The following XRCC4 variants were observed in gnomAD, a reference collection of about 807,000 sequenced individuals.
XRCC4 encodes the protein X-ray repair cross complementing 4.
In XRCC4, 28 loss-of-function variants were observed where a neutral mutation model predicts 39.1. The observed-to-expected ratio is 0.72, with a 90% CI of 0.53 to 0.98. XRCC4 has a LOEUF of 0.98. Among genes scored for constraint, XRCC4 ranks in the 50% least tolerant of loss-of-function variants. XRCC4 has a pLI of 0.00. For synonymous variants in XRCC4, 123 were observed against 126.4 expected (o/e 0.97, Z 0.18); for missense variants, 350 against 376.4 (o/e 0.93, Z 0.58).
chr5:83,163,069 C>T (rs962270000), intron 3 of XRCC4, among the ~76,000 whole-genome samples: 8 of 151,744 alleles, frequency 5.3e-5, no homozygotes, highest in African/African-American at 1.9e-4. Flanking sequence ...GCCTCAGCCT[C>T]ATGAATAGCT....
intron 1 of XRCC4, among the ~76,000 whole-genome samples, chr5:83,095,445 A>C (rs1241350695): frequency 6.6e-6 from 1 of 152,184 alleles, no homozygotes; most frequent in Non-Finnish European, 1.5e-5. Context: ...GTGGGGTAGG[A>C]AAGTAGGCTT....
At chr5:83,142,339 C>T (rs917711998) in intron 3 of XRCC4, among the ~76,000 whole-genome samples, 1 of 94,382 alleles carries the variant, frequency 1.1e-5, no homozygotes, top group African/African-American at 4.9e-5. Flanking sequence ...GAAACTAACT[C>T]TCAGTGGTGT....
intron 7 of XRCC4, among the ~76,000 whole-genome samples, chr5:83,337,447 G>A (rs1756627242): frequency 6.6e-6 from 1 of 152,128 alleles, no homozygotes; most frequent in Admixed American, 6.6e-5. Flanking sequence ...TTTGTGCTTA[G>A]AGCCCCAAGT....
intron 3 of XRCC4, among the ~76,000 whole-genome samples, chr5:83,173,443 T>G (rs1342124518): frequency 6.6e-6 from 1 of 152,196 alleles, no homozygotes; most frequent in Non-Finnish European, 1.5e-5. Flanking sequence ...TGAGTGTTAC[T>G]ACACAGGGGA....
At chr5:83,134,032 G>A (rs1050383505) in intron 3 of XRCC4, among the ~76,000 whole-genome samples, 7 of 152,232 alleles carry the variant, frequency 4.6e-5, no homozygotes, top group South Asian at 2.1e-4. Context: ...CTGGGCAAGC[G>A]CCGCAGTCTT....
intron 3 of XRCC4, among the ~76,000 whole-genome samples, chr5:83,183,732 C>T (rs1750309893): frequency 6.6e-6 from 1 of 152,086 alleles, no homozygotes; most frequent in African/African-American, 2.4e-5. Flanking sequence ...ACTGGAACTA[C>T]CTCATTGTTA....
At chr5:83,262,581 A>G (rs1753790430) in intron 7 of XRCC4, among the ~76,000 whole-genome samples, 1 of 152,114 alleles carries the variant, frequency 6.6e-6, no homozygotes, top group Non-Finnish European at 1.5e-5. Context: ...TCACTGTAAA[A>G]GGAATACAGA....
chr5:83,259,253 A>C (rs1293588610), intron 7 of XRCC4: 1 of 153,114 alleles, frequency 6.5e-6, no homozygotes, highest in Non-Finnish European at 1.5e-5. Context: ...GCATTTATAA[A>C]GAATATTATC....
At chr5:83,371,743 G>C in the XRCC4 span, among the ~76,000 whole-genome samples, 4 of 152,286 alleles carry the variant, frequency 2.6e-5, no homozygotes, top group Non-Finnish European at 5.9e-5. Context: ...GGAAGACATT[G>C]TTGATGCAGG....
chr5:83,332,150 C>G (rs1053890697), intron 7 of XRCC4, among the ~76,000 whole-genome samples: 1 of 151,332 alleles, frequency 6.6e-6, no homozygotes, highest in Admixed American at 6.6e-5. Flanking sequence ...GAGCTGTTGC[C>G]TTCTTATAAA....
At chr5:83,144,725 G>T (rs2112532031) in intron 3 of XRCC4, among the ~76,000 whole-genome samples, 1 of 152,032 alleles carries the variant, frequency 6.6e-6, no homozygotes, top group African/African-American at 2.4e-5. Flanking sequence ...TTGTCCTGCA[G>T]ATTGGATAAT....
At chr5:83,372,977 A>G in the XRCC4 span, among the ~76,000 whole-genome samples, 4 of 152,330 alleles carry the variant, frequency 2.6e-5, 1 homozygote, top group South Asian at 8.3e-4. Context: ...CATGCTCAAT[A>G]GCACAAGGCA....
intron 6 of XRCC4, among the ~76,000 whole-genome samples, chr5:83,243,101 T>A (rs1752976187): frequency 6.6e-6 from 1 of 152,242 alleles, no homozygotes; most frequent in Admixed American, 6.5e-5. Flanking sequence ...GGAATAATAG[T>A]CTAGAAGTAG....
At chr5:83,203,282 T>G (rs1751285463) in intron 4 of XRCC4, among the ~76,000 whole-genome samples, 1 of 152,174 alleles carries the variant, frequency 6.6e-6, no homozygotes, top group African/African-American at 2.4e-5. Flanking sequence ...TATGTATCAA[T>G]AAATTATCTT....
chr5:83,153,790 C>T (rs1368106497), intron 3 of XRCC4, among the ~76,000 whole-genome samples: 2 of 152,112 alleles, frequency 1.3e-5, no homozygotes. Context: ...CATATTTAAA[C>T]TTGTGATTTA....
rs189311948 is a variant in XRCC4, at chr5:83,312,605, C to T, written c.894-40526C>T. 7.9e-5 allele frequency among the ~76,000 whole-genome samples: 12 copies of T among 152,082 alleles called. No individual in the cohort carries two copies. In the East Asian group the frequency reaches 1.5e-3, roughly 20 times the overall value. ...AATTAAATTATGTTTAGGAATGCTC[C>T]GTGATAAAAATGAGTTGGAAATGAA... On this transcript the variant is annotated intron_variant, in intron 7 of 7. Transcript: ENST00000396027.
At position 83,221,661 on chromosome 5, in the gene XRCC4, A is replaced by G. The variant is rs1752087651; in HGVS notation, c.745+16740A>G. On this transcript the variant is annotated intron_variant, in intron 6 of 7. Coordinates refer to ENST00000396027, the MANE Select transcript of XRCC4 (RefSeq NM_003401.5). ...GTGCTTTTTTGGTGGTTCTGTTACA[A>G]TTTGATGGCAGAGCAAATAAAGCAG... 2.6e-5 allele frequency among the ~76,000 whole-genome samples: 4 copies of G among 151,966 alleles called. No individual in the cohort carries two copies. In the South Asian group the frequency reaches 8.3e-4, roughly 32 times the overall value.
chr5:83,130,451 C>T (rs2112477371), intron 3 of XRCC4, among the ~76,000 whole-genome samples: 1 of 152,228 alleles, frequency 6.6e-6, no homozygotes, highest in Non-Finnish European at 1.5e-5. Context: ...GTGTCTCTGC[C>T]AGGCTTTGGT....
chr5:83,253,812 A>G (rs751219169), intron 6 of XRCC4, among the ~76,000 whole-genome samples: 1 of 152,192 alleles, frequency 6.6e-6, no homozygotes, highest in Non-Finnish European at 1.5e-5. Context: ...CTTAGCCAAC[A>G]GTGTCATTTC....
Sources: gnomAD v4.1 joint callset for allele counts (sites outside exome capture counted in the v4.1 genomes callset) on GRCh38, gnomAD v4.1.1 for gene constraint, MANE v1.5 for transcripts, NCBI Gene and HGNC (gene_info 2026-07-23, HGNC 2026-07-21) for gene names.